The following GRIK1 variants were observed in gnomAD, a reference collection of about 807,000 sequenced individuals.
GRIK1 encodes glutamate receptor ionotropic, kainate 1.
Under a neutral mutation model 105.7 loss-of-function variants are expected in GRIK1, and 69 were observed. That is an observed-to-expected ratio of 0.65 (90% CI 0.54 to 0.80). GRIK1 has a LOEUF of 0.80. Among genes scored for constraint, GRIK1 ranks in the 30% least tolerant of loss-of-function variants. The pLI is 0.00. For synonymous variants in GRIK1, 438 were observed against 431.3 expected (o/e 1.02, Z -0.19); for missense variants, 1,109 against 1,167.3 (o/e 0.95, Z 0.73).
At chr21:29,903,883 A>G (rs148451796) in intron 1 of GRIK1, among the ~76,000 whole-genome samples, 3 of 152,352 alleles carry the variant, frequency 2.0e-5, no homozygotes, top group Admixed American at 6.5e-5. Context: ...CCAAATGTCT[A>G]TCAATGATAA....
intron 2 of GRIK1, among the ~76,000 whole-genome samples, chr21:29,690,844 A>G (rs2063571510): frequency 6.6e-6 from 1 of 152,250 alleles, no homozygotes; most frequent in Non-Finnish European, 1.5e-5. Flanking sequence ...TCATTTTGGA[A>G]TAATATCTAT....
At chr21:29,937,403 A>G (rs947925188) in intron 1 of GRIK1, among the ~76,000 whole-genome samples, 1 of 152,210 alleles carries the variant, frequency 6.6e-6, no homozygotes, top group African/African-American at 2.4e-5. Context: ...TTTGGCTCCC[A>G]TTTAGAAAAA....
At chr21:29,772,122 T>C (rs750977278) in intron 1 of GRIK1, among the ~76,000 whole-genome samples, 1 of 152,250 alleles carries the variant, frequency 6.6e-6, no homozygotes, top group Non-Finnish European at 1.5e-5. Context: ...TGGTTCTTTT[T>C]ACAGGCACAT....
chr21:29,780,949 T>C (rs1328966880), intron 1 of GRIK1, among the ~76,000 whole-genome samples: 1 of 152,116 alleles, frequency 6.6e-6, no homozygotes, highest in Non-Finnish European at 1.5e-5. Context: ...CAACCCAAAA[T>C]TATACCAACC....
rs148484168 is a variant in GRIK1 at position 29,625,220 on chromosome 21, A to AT, written c.1098+17605dup. Among the ~76,000 whole-genome samples, 1,267 of 152,316 alleles carry AT rather than the reference A, an allele frequency of 8.3e-3. 12 individuals are homozygous for AT. Among genetic ancestry groups the AT allele is most frequent in the African/African-American group, 0.029 (1,206 of 41,564 alleles). On this transcript the variant is annotated intron_variant, in intron 7 of 17. Coordinates refer to ENST00000327783, the MANE Select transcript of GRIK1 (RefSeq NM_001330994.2). ...ACAGGGGTAGAGGACGGGCAACATA[A>AT]TTAACTTTATCTTAATGCCTAAAAT...
At chr21:29,888,197 C>CT (rs59241719) in intron 1 of GRIK1, among the ~76,000 whole-genome samples, 77 of 22,336 alleles carry the variant, frequency 3.4e-3, no homozygotes, top group African/African-American at 5.5e-3. Context: ...TTCTTTCTTT[C>CT]TCTCTCTCTC....
chr21:29,848,755 G>GTATGTATATATATATA (rs1555898464), intron 1 of GRIK1, among the ~76,000 whole-genome samples: 1 of 91,252 alleles, frequency 1.1e-5, no homozygotes, highest in African/African-American at 4.5e-5. Flanking sequence ...AGTTGTGTGT[G>GTATGTATATATATATA]TATATATATA....
intron 7 of GRIK1, among the ~76,000 whole-genome samples, chr21:29,610,764 C>A (rs2051183): frequency 0.53 from 80,409 of 151,818 alleles, 23,939 homozygotes; most frequent in African/African-American, 0.82. Flanking sequence ...ATAGGAAACT[C>A]AAACACCTTG....
At chr21:29,574,347 C>G (rs115260761) in intron 14 of GRIK1, among the ~76,000 whole-genome samples, 1,649 of 152,336 alleles carry the variant, frequency 0.011, 34 homozygotes, top group African/African-American at 0.038. Context: ...GAAGTAGAAT[C>G]TTCTCTGCCT....
intron 3 of GRIK1, among the ~76,000 whole-genome samples, chr21:29,686,014 C>G (rs1463514000): frequency 1.3e-5 from 2 of 152,192 alleles, no homozygotes; most frequent in African/African-American, 4.8e-5. Flanking sequence ...TAAGAAGAAT[C>G]CGAACACACA....
At chr21:29,914,550 C>G (rs2070929024) in intron 1 of GRIK1, among the ~76,000 whole-genome samples, 1 of 152,112 alleles carries the variant, frequency 6.6e-6, no homozygotes, top group Non-Finnish European at 1.5e-5. Flanking sequence ...TCCTGACCTA[C>G]TAACCATGGT....
At chr21:29,591,088 C>G in intron 10 of GRIK1, 24 bp downstream of exon 10, 1 of 1,269,482 alleles carries the variant, frequency 7.9e-7, no homozygotes. Context: ...ATAAGACACC[C>G]TCAATTCCAT....
In GRIK1 at chr21:29,743,252, T is replaced by C. The variant is rs568557013; in HGVS notation, c.119-49189A>G. Among the ~76,000 whole-genome samples, 195 of 152,278 alleles carry C rather than the reference T, an allele frequency of 1.3e-3. 1 individual carries two copies. The highest frequency in any genetic ancestry group is 4.4e-3 in the African/African-American group (181 of 41,548). On this transcript the variant is annotated intron_variant, in intron 1 of 17. Coordinates refer to ENST00000327783, the MANE Select transcript of GRIK1 (RefSeq NM_001330994.2). Reference sequence around the variant, plus strand: ...TGGGTGTTTATAGAATTCTTGCAACTTTTCTCATGCTTTAAAAAATTTCAA... The same window carrying C: ...TGGGTGTTTATAGAATTCTTGCAACCTTTCTCATGCTTTAAAAAATTTCAA...
intron 1 of GRIK1, among the ~76,000 whole-genome samples, chr21:29,896,531 G>T (rs562984751): frequency 6.6e-6 from 1 of 152,250 alleles, no homozygotes; most frequent in South Asian, 2.1e-4. Flanking sequence ...CTCAAAAAAT[G>T]TATTTTGAAT....
At chr21:29,599,204 G>A (rs764660849) in intron 7 of GRIK1, among the ~76,000 whole-genome samples, 1 of 152,128 alleles carries the variant, frequency 6.6e-6, no homozygotes, top group South Asian at 2.1e-4. Flanking sequence ...AAGAATTGCC[G>A]TAAAACAGTC....
intron 1 of GRIK1, among the ~76,000 whole-genome samples, chr21:29,709,830 A>G (rs1185111517): frequency 6.6e-6 from 1 of 151,898 alleles, no homozygotes; most frequent in Non-Finnish European, 1.5e-5. Context: ...ACATTATGAA[A>G]TACTTTAATT....
At position 29,601,153 on chromosome 21, in the gene GRIK1, A is replaced by G. The variant is rs545479218; in HGVS notation, c.1099-2216T>C. On this transcript the variant is annotated intron_variant, in intron 7 of 17. Transcript: ENST00000327783. ...GACAGCCCTCTCCACGTGAGTGGGT[A>G]CCATTCAATTCATGTAGAGCCTGAA... 1.8e-3 allele frequency: 854 copies of G among 470,970 alleles called. 2 individuals carry two copies. The highest frequency in any genetic ancestry group is 2.9e-3 in the Non-Finnish European group (647 of 224,274). The allele number at this position is 470,970 out of a possible 1,614,324, so 29.2% of individuals were successfully genotyped here.
chr21:29,802,414 G>GTC (rs1297331593), intron 1 of GRIK1, among the ~76,000 whole-genome samples: 8 of 151,622 alleles, frequency 5.3e-5, no homozygotes, highest in South Asian at 2.1e-4. Context: ...CTCTTTCTCT[G>GTC]TCTCTCTCTC....
At chr21:29,606,110 G>T (rs2061610382) in intron 7 of GRIK1, among the ~76,000 whole-genome samples, 1 of 151,668 alleles carries the variant, frequency 6.6e-6, no homozygotes, top group Non-Finnish European at 1.5e-5. Flanking sequence ...CTCTAAAGAG[G>T]TGTCTCTTTA....
Sources: gnomAD v4.1 joint callset for allele counts (sites outside exome capture counted in the v4.1 genomes callset) on GRCh38, gnomAD v4.1.1 for gene constraint, MANE v1.5 for transcripts, NCBI Gene and HGNC (gene_info 2026-07-23, HGNC 2026-07-21) for gene names.